Variants in SHQ1 observed in about 807,000 individuals in gnomAD.
SHQ1 encodes the protein protein SHQ1 homolog.
In SHQ1, 49 loss-of-function variants were observed where a neutral mutation model predicts 53.8. That is an observed-to-expected ratio of 0.91 (90% confidence interval 0.72 to 1.16). SHQ1 has a LOEUF of 1.16. Among genes scored for constraint, SHQ1 ranks in the 50% most tolerant of loss-of-function variants. The pLI, the probability that SHQ1 is intolerant of heterozygous loss-of-function variation, is 0.00. For synonymous variants in SHQ1, 243 were observed against 251.0 expected (o/e 0.97, Z 0.30); for missense variants, 738 against 683.1 (o/e 1.08, Z -0.90).
At chr3:72,775,986 C>T (rs1157048711) in intron 10 of SHQ1, among the ~76,000 whole-genome samples, 1 of 152,002 alleles carries the variant, frequency 6.6e-6, no homozygotes, top group African/African-American at 2.4e-5. Context: ...TATATTACCA[C>T]CATATCTATT....
intron 10 of SHQ1, 128 bp downstream of exon 10, chr3:72,792,784 CAAAA>C (rs59948195): frequency 5.6e-3 from 1,432 of 256,756 alleles, no homozygotes; most frequent in South Asian, 8.1e-3. Flanking sequence ...ACCTCCATCT[CAAAA>C]AAAAAAAAAA....
At chr3:72,843,210 T>C (rs6768814) in intron 2 of SHQ1, among the ~76,000 whole-genome samples, 59,770 of 151,920 alleles carry the variant, frequency 0.39, 12,309 homozygotes, top group East Asian at 0.66. Flanking sequence ...AAGAAGGTAA[T>C]AGCTTAGAAT....
rs750759655 is a variant in SHQ1 at position 72,815,350 on chromosome 3, C to G, written c.936G>C (p.Glu312Asp). Residue 312 changes from glutamate (E) to aspartate (D), a missense_variant and splice_region_variant, in exon 8 of 11, where the codon GAG becomes GAC. Transcript: ENST00000325599. ...RKLSPTLCWF[E>D]TWTNVHDIMV... is the part of the protein sequence containing the mutation. ...AAACAATTGCAACTGGAAATCATAC[C>G]TCAAACCAGCATAGTGTTGGACTCA... 3 of 1,612,620 alleles carry G rather than the reference C, an allele frequency of 1.9e-6. No homozygotes were observed. The highest frequency in any genetic ancestry group is 2.5e-6 in the Non-Finnish European group (3 of 1,179,126).
rs1224175056 is a variant in SHQ1 at position 72,750,789 on chromosome 3, A to C, written c.1229T>G (p.Leu410Arg). 1.3e-6 allele frequency: 2 copies of C among 1,549,630 alleles called. No individual in the cohort carries two copies. Among genetic ancestry groups the C allele is most frequent in the Non-Finnish European group, 1.7e-6 (2 of 1,146,310 alleles). ...TTCTAACCCCAGCTGGGCCTTTGTA[A>C]GGGAGACTTCCTTTAAGGCTTCTGC... ...ALAEALKEVSLTKAQLGLELE... is the reference protein window; with the variant it reads ...ALAEALKEVSRTKAQLGLELE... The change falls in exon 11 of 11, where the codon CTT becomes CGT. Residue 410 changes from leucine (L) to arginine (R), a missense_variant. Coordinates refer to ENST00000325599, the MANE Select transcript of SHQ1 (RefSeq NM_018130.3).
the SHQ1 span, among the ~76,000 whole-genome samples, chr3:72,737,763 A>G: frequency 6.6e-6 from 1 of 152,064 alleles, no homozygotes; most frequent in African/African-American, 2.4e-5. Flanking sequence ...TATCCTTTTT[A>G]TTTTTTCTGA....
At chr3:72,825,303 C>T (rs1430635955) in intron 5 of SHQ1, among the ~76,000 whole-genome samples, 1 of 150,800 alleles carries the variant, frequency 6.6e-6, no homozygotes, top group African/African-American at 2.4e-5. Flanking sequence ...CAAAGAAAAA[C>T]AAGCAGATGA....
At chr3:72,796,755 C>T (rs371316088) in intron 9 of SHQ1, among the ~76,000 whole-genome samples, 3 of 151,220 alleles carry the variant, frequency 2.0e-5, no homozygotes, top group South Asian at 2.1e-4. Flanking sequence ...AGGAGGTGGA[C>T]GTTGCAGTGA....
intron 1 of SHQ1, 109 bp downstream of exon 1, chr3:72,848,089 G>A (rs1456211106): frequency 5.1e-6 from 7 of 1,379,608 alleles, no homozygotes; most frequent in East Asian, 2.3e-5. Context: ...GGAAACGTCG[G>A]GAAAAGGCAT....
chr3:72,842,309 C>T lies in SHQ1; in HGVS notation c.302G>A (p.Arg101Lys). Residue 101 changes from arginine to lysine, a missense_variant, in exon 3 of 11, where the codon AGG becomes AAG. By Grantham distance (26) the Arg-to-Lys change is conservative. Transcript: ENST00000325599. ...TTCTTCCACAAGTGGTTTTGCTGTC[C>T]TGGATTTTCTTGGTGCCAGAAGAGC... Reference protein sequence around the residue: ...LTALLAPRKSRTAKPLVEEIG... With the variant: ...LTALLAPRKSKTAKPLVEEIG... 6.2e-7 allele frequency: 1 copy of T among 1,613,766 alleles called. No homozygotes were observed. The highest frequency in any genetic ancestry group is 8.5e-7 in the Non-Finnish European group (1 of 1,179,802).
intron 10 of SHQ1, among the ~76,000 whole-genome samples, chr3:72,763,203 G>A (rs142739281): frequency 0.018 from 2,795 of 152,260 alleles, 82 homozygotes; most frequent in African/African-American, 0.061. Flanking sequence ...AATGGGGACT[G>A]CAAGTCGCAG....
intron 10 of SHQ1, among the ~76,000 whole-genome samples, chr3:72,765,558 T>TA (rs1491541493): frequency 0.025 from 1,553 of 62,736 alleles, 12 homozygotes; most frequent in Admixed American, 0.045. Context: ...TATATATATA[T>TA]TTTTTTTTTT....
In SHQ1 at chr3:72,817,396, C is replaced by G; in HGVS notation, c.728-12G>C. The G allele has an allele frequency of 1.3e-6, 2 of 1,593,688 alleles. No individual in the cohort carries two copies. Among genetic ancestry groups the G allele is most frequent in the Non-Finnish European group, 1.7e-6 (2 of 1,168,386 alleles). On this transcript the variant is annotated splice_polypyrimidine_tract_variant and intron_variant, in intron 6 of 10. Coordinates refer to ENST00000325599, the MANE Select transcript of SHQ1 (RefSeq NM_018130.3). Reference sequence around the variant, plus strand: ...TTCAGAAAAAGACACTAGAAGAAAACGCATTTAAAAACTAGATGTTTCATT... The same window carrying G: ...TTCAGAAAAAGACACTAGAAGAAAAGGCATTTAAAAACTAGATGTTTCATT...
At chr3:72,776,822 A>G (rs1705965914) in intron 10 of SHQ1, among the ~76,000 whole-genome samples, 1 of 152,212 alleles carries the variant, frequency 6.6e-6, no homozygotes, top group African/African-American at 2.4e-5. Flanking sequence ...ATATAAAGCT[A>G]CAGTAATTAA....
intron 10 of SHQ1, among the ~76,000 whole-genome samples, chr3:72,782,038 C>A (rs898841866): frequency 6.6e-6 from 1 of 152,084 alleles, no homozygotes; most frequent in Non-Finnish European, 1.5e-5. Context: ...TTATAAAACT[C>A]TCCAGGAAAA....
At chr3:72,751,332 A>G (rs974257582) in intron 10 of SHQ1, among the ~76,000 whole-genome samples, 21 of 152,150 alleles carry the variant, frequency 1.4e-4, no homozygotes, top group Admixed American at 1.1e-3. Context: ...AGGCAGGAGA[A>G]TCACTTGAAT....
chr3:72,839,030 AG>A (rs1427125945), intron 4 of SHQ1, among the ~76,000 whole-genome samples: 4 of 152,176 alleles, frequency 2.6e-5, no homozygotes, highest in African/African-American at 9.6e-5. Context: ...CACTCATTCT[AG>A]GCTCACATTA....
In SHQ1 at chr3:72,832,458, A is replaced by G. The variant is rs189694541; in HGVS notation, c.510T>C (p.Asp170=). 18 of 1,611,878 alleles carry G rather than the reference A, an allele frequency of 1.1e-5. No individual in the cohort carries two copies. In the African/African-American group the frequency reaches 2.4e-4, roughly 22 times the overall value. ...RLQDELSDVI[D]IKDPDFTPAA... ...CAGGGGTGAAATCTGGATCCTTAAT[A>G]TCAATAACATCACTCAGTTCATCCT... Residue 170 remains aspartate (D), a synonymous_variant, in exon 5 of 11, where the codon GAT becomes GAC. Transcript: ENST00000325599.
intron 4 of SHQ1, among the ~76,000 whole-genome samples, chr3:72,833,182 C>A (rs185199871): frequency 6.6e-6 from 1 of 152,270 alleles, no homozygotes; most frequent in Non-Finnish European, 1.5e-5. Context: ...TGGCTCACTC[C>A]TGTAACCCCA....
chr3:72,761,143 T>G lies in SHQ1; in HGVS notation c.1182-10307A>C, dbSNP rs543916058. On this transcript the variant is annotated intron_variant, in intron 10 of 10. Transcript: ENST00000325599. ...ACAGATCCCAAGAAGGTGGGGGAAA[T>G]AAAATTTTTATTTTTACTTATTTTT... Among the ~76,000 whole-genome samples, 9 of 152,192 alleles carry G rather than the reference T, an allele frequency of 5.9e-5. No individual in the cohort carries two copies. The East Asian group carries it at 1.7e-3, about 29-fold the overall frequency.
Sources: allele counts gnomAD v4.1 joint callset (sites outside exome capture counted in the v4.1 genomes callset), GRCh38; gene constraint gnomAD v4.1.1; transcripts MANE v1.5; gene names NCBI Gene and HGNC (gene_info 2026-07-23, HGNC 2026-07-21).